UTP20: variants seen among roughly 807,000 people sequenced by gnomAD.
The protein encoded by UTP20 is small subunit processome component 20 homolog.
A neutral mutation model predicts 329.5 loss-of-function variants in UTP20; 164 were observed. The observed-to-expected ratio is 0.50, with a 90% CI of 0.44 to 0.57. UTP20 has a LOEUF of 0.57. Ranked by LOEUF, UTP20 falls within the 20% of genes least tolerant of loss-of-function variation. The probability of loss-of-function intolerance (pLI) is 0.00; values close to 1 mark genes in which losing one functional copy is unlikely to be tolerated. For missense variants in UTP20, 3,055 were observed against 3,284.2 expected, an observed-to-expected ratio of 0.93 and a Z score of 1.71; for synonymous variants, 1,151 against 1,159.3, an observed-to-expected ratio of 0.99 and a Z score of 0.14.
chr12:101,346,359 A>AT lies in UTP20; in HGVS notation c.4747-91dup, dbSNP rs1203176323. 99 of 1,439,168 alleles carry AT rather than the reference A, an allele frequency of 6.9e-5. 1 individual carries two copies. The African/African-American group carries it at 1.2e-3, about 18-fold the overall frequency. The allele number at this position is 1,439,168 out of a possible 1,614,324, so 89.1% of individuals were successfully genotyped here. On this transcript the variant is annotated intron_variant, in intron 37 of 61. Transcript: ENST00000261637. ...GCCACCGCACCTGGCCACTCCTTTA[A>AT]TCTTTTTATGAAAAGAGAATACGAT...
At chr12:101,361,169 T>C (rs917205635) in intron 43 of UTP20, among the ~76,000 whole-genome samples, 6 of 152,210 alleles carry the variant, frequency 3.9e-5, no homozygotes, top group African/African-American at 1.4e-4. Context: ...ATGTAAGGTA[T>C]TAATATAGTA....
chr12:101,368,169 T>A (rs1870161386), intron 48 of UTP20, among the ~76,000 whole-genome samples, 193 bp downstream of exon 48: 2 of 151,828 alleles, frequency 1.3e-5, no homozygotes, highest in South Asian at 4.2e-4. Context: ...TCACCTAGGC[T>A]GGAGTGCAGT....
chr12:101,364,367 GA>G (rs982701792), intron 45 of UTP20, among the ~76,000 whole-genome samples: 59 of 152,282 alleles, frequency 3.9e-4, no homozygotes, highest in African/African-American at 1.3e-3. Flanking sequence ...GGCATTTATT[GA>G]CATATTATAT....
chr12:101,308,293 C>T lies in UTP20; in HGVS notation c.2104C>T (p.Leu702=). The T allele has an allele frequency of 6.2e-7, 1 of 1,612,892 alleles. No homozygotes were observed. Among genetic ancestry groups the T allele is most frequent in the Middle Eastern group, 1.7e-4 (1 of 6,060 alleles). Residue 702 remains leucine (L), a synonymous_variant, in exon 18 of 62, where the codon CTA becomes TTA. Transcript: ENST00000261637. The part of the protein sequence containing the change: ...YREKLLHLRK[L]RHDVVQTAVP... ...AGAGAAGCTTCTTCATTTGAGAAAA[C>T]TAAGACATGATGTGGTACAGACTGC...
In UTP20 at chr12:101,375,613, C is replaced by A; in HGVS notation, c.7264-11C>A. ...GTTGTTTTCATTGATTTACATCCGT[C>A]TTGTTTTTAGATCATGGAAGAAACT... On this transcript the variant is annotated splice_polypyrimidine_tract_variant and intron_variant, in intron 55 of 61. Coordinates refer to ENST00000261637, the MANE Select transcript of UTP20 (RefSeq NM_014503.3). 1 of 1,609,034 alleles carries A rather than the reference C, an allele frequency of 6.2e-7. No homozygotes were observed. The highest frequency in any genetic ancestry group is 8.5e-7 in the Non-Finnish European group (1 of 1,178,790).
At position 101,365,608 on chromosome 12, in the gene UTP20, G is replaced by T; in HGVS notation, c.6108G>T (p.Leu2036=). Residue 2036 remains leucine (L), a synonymous_variant, in exon 46 of 62, where the codon CTG becomes CTT. Coordinates refer to ENST00000261637, the MANE Select transcript of UTP20 (RefSeq NM_014503.3). ...GTTTGATCAGTGAAAATCTTCCCCT[G>T]TTAACAGAGAAAGAAAAGTAAGTTG... The part of the protein sequence containing the change: ...SYGLISENLP[L]LTEKEKNPVA... 5 of 1,564,320 alleles carry T rather than the reference G, an allele frequency of 3.2e-6. No individual in the cohort carries two copies. Among genetic ancestry groups the T allele is most frequent in the Non-Finnish European group, 4.3e-6 (5 of 1,162,392 alleles).
At chr12:101,324,216 A>ACATTTATTTATT (rs1868478918) in intron 25 of UTP20, among the ~76,000 whole-genome samples, 1 of 114,254 alleles carries the variant, frequency 8.8e-6, no homozygotes, top group South Asian at 3.1e-4. Flanking sequence ...TTTGAGAGCC[A>ACATTTATTTATT]CATTTATTTA....
intron 21 of UTP20, among the ~76,000 whole-genome samples, chr12:101,315,541 CATAA>C (rs944951827): frequency 2.6e-5 from 4 of 151,342 alleles, no homozygotes; most frequent in Admixed American, 2.6e-4. Flanking sequence ...GGATACAGTA[CATAA>C]ATTCAAAGGT....
At chr12:101,324,748 T>C (rs1238988442) in intron 25 of UTP20, among the ~76,000 whole-genome samples, 2 of 152,234 alleles carry the variant, frequency 1.3e-5, no homozygotes, top group African/African-American at 4.8e-5. Flanking sequence ...AGAATCTAGA[T>C]GAACATTTAC....
intron 33 of UTP20, 60 bp from the exon 34 acceptor site, chr12:101,342,727 G>A: frequency 6.4e-7 from 1 of 1,562,670 alleles, no homozygotes; most frequent in East Asian, 2.2e-5. Context: ...GCTGAGGGGA[G>A]GAGGGCAGAA....
intron 56 of UTP20, among the ~76,000 whole-genome samples, chr12:101,377,727 G>C (rs1368145053): frequency 6.6e-6 from 1 of 152,120 alleles, no homozygotes; most frequent in Non-Finnish European, 1.5e-5. Context: ...CACTGGAGAG[G>C]GGTCACACTC....
At chr12:101,285,435 G>A in intron 2 of UTP20, 135 bp from the exon 3 acceptor site, 2 of 914,962 alleles carry the variant, frequency 2.2e-6, no homozygotes, top group Non-Finnish European at 3.2e-6. Context: ...TTAATGGCCT[G>A]TTTTAAAAAA....
chr12:101,312,328 T>A (rs577326876), intron 21 of UTP20, 52 bp downstream of exon 21: 5 of 1,595,506 alleles, frequency 3.1e-6, no homozygotes, highest in Non-Finnish European at 1.7e-6. Flanking sequence ...AAGAAGAGAA[T>A]GTGAGAAGTA....
intron 38 of UTP20, among the ~76,000 whole-genome samples, chr12:101,349,175 GT>G (rs563870405): frequency 1.3e-5 from 2 of 151,410 alleles, no homozygotes; most frequent in Non-Finnish European, 2.9e-5. Context: ...GTTTTGTTTT[GT>G]TTTTTTGTTT....
Position 101,291,761 on chromosome 12 carries a change from A to G in UTP20, c.911A>G (p.His304Arg). 1 of 1,598,634 alleles carries G rather than the reference A, an allele frequency of 6.3e-7. No homozygotes were observed. Among genetic ancestry groups the G allele is most frequent in the South Asian group, 1.1e-5 (1 of 87,060 alleles). Reference sequence around the variant, plus strand: ...TTGCAGGAATCGCTCTTGGATCTACACACAAAAGTAACAAAAACTAACTGT... The same window carrying G: ...TTGCAGGAATCGCTCTTGGATCTACGCACAAAAGTAACAAAAACTAACTGT... ...ECLQESLLDL[H>R]TKVTKTNCCE... is the part of the protein sequence containing the mutation. The change falls in exon 9 of 62, where the codon CAC becomes CGC. Residue 304 changes from histidine to arginine, a missense_variant. Coordinates refer to ENST00000261637, the MANE Select transcript of UTP20 (RefSeq NM_014503.3).
At chr12:101,331,370 C>G (rs377307294) in intron 27 of UTP20, among the ~76,000 whole-genome samples, 1 of 152,114 alleles carries the variant, frequency 6.6e-6, no homozygotes, top group South Asian at 2.1e-4. Flanking sequence ...TTTCAAATAT[C>G]AGGGATAATT....
rs1426415456 is a variant in UTP20 at position 101,333,471 on chromosome 12, A to G, written c.3561+27A>G. ...TAAACCTCAATTTCTACATCTGCCTATGTACGTTCTGCTTTTTCCTTTATT... is the reference window on the plus strand; with the variant it reads ...TAAACCTCAATTTCTACATCTGCCTGTGTACGTTCTGCTTTTTCCTTTATT... On this transcript the variant is annotated intron_variant, in intron 28 of 61. Coordinates refer to ENST00000261637, the MANE Select transcript of UTP20 (RefSeq NM_014503.3). The G allele has an allele frequency of 3.1e-6, 5 of 1,607,504 alleles. No homozygotes were observed. The African/African-American group carries it at 4.0e-5, about 13-fold the overall frequency.
intron 38 of UTP20, among the ~76,000 whole-genome samples, chr12:101,351,161 C>G (rs1237517703): frequency 6.6e-6 from 1 of 151,014 alleles, no homozygotes; most frequent in Non-Finnish European, 1.5e-5. Flanking sequence ...CAGTCTCACT[C>G]TGTCGCCTAG....
Position 101,370,418 on chromosome 12 carries a change from A to G in UTP20, c.6556-14A>G, listed in dbSNP as rs181734056. The stretch of plus-strand genomic sequence containing the variant: ...GGATGTGCTGGCTGTTAACATCACT[A>G]TTGTAACTTGCAGTGTGTGACCATA... On this transcript the variant is annotated splice_polypyrimidine_tract_variant and intron_variant, in intron 49 of 61. Transcript: ENST00000261637. 4.3e-6 allele frequency: 7 copies of G among 1,610,754 alleles called. No homozygotes were observed. The highest frequency in any genetic ancestry group is 2.2e-5 in the South Asian group (2 of 90,106).
Sources: gnomAD v4.1 joint callset for allele counts (sites outside exome capture counted in the v4.1 genomes callset) on GRCh38, gnomAD v4.1.1 for gene constraint, MANE v1.5 for transcripts, NCBI Gene and HGNC (gene_info 2026-07-23, HGNC 2026-07-21) for gene names.